The following MS4A4E variants were observed in gnomAD, a reference collection of about 807,000 sequenced individuals.
The protein encoded by MS4A4E is membrane spanning 4-domains A4E.
A neutral mutation model predicts 13.3 loss-of-function variants in MS4A4E; 23 were observed. The ratio of observed to expected loss-of-function variants is 1.73; its 90% CI spans 1.25 to 2.45. The LOEUF (loss-of-function observed/expected upper bound fraction) is 2.45, where lower values mean the gene tolerates loss of function less well. MS4A4E is among the 30% of genes most tolerant of loss of function. MS4A4E has a pLI of 0.00. For missense variants in MS4A4E, 144 were observed against 131.2 expected (o/e 1.10, Z -0.48); for synonymous variants, 36 against 45.6 (o/e 0.79, Z 0.85).
intron 1 of MS4A4E, among the ~76,000 whole-genome samples, chr11:60,232,063 C>T (rs1159007534): frequency 6.6e-6 from 1 of 151,642 alleles, no homozygotes; most frequent in Admixed American, 6.6e-5. Context: ...AAAATTTTGC[C>T]AATGTGTTAA....
Position 60,201,836 on chromosome 11 carries a change from G to A in MS4A4E, c.703C>T (p.Arg235Cys), listed in dbSNP as rs554422770. 3.6e-4 allele frequency: 80 copies of A among 219,488 alleles called. 1 individual carries two copies. Among genetic ancestry groups the A allele is most frequent in the South Asian group, 1.6e-3 (34 of 20,938 alleles). 13.6% of individuals were successfully genotyped at this position (219,488 alleles called of 1,614,324 possible). The change falls in exon 9 of 9, where the codon CGT becomes TGT. Residue 235 changes from arginine to cysteine, a missense_variant. Arg to Cys is a radical substitution (Grantham distance 180). Around this residue, in one of 3 missense-constraint regions of MS4A4E, gnomAD observed 21 missense variants for 25.1 expected, o/e 0.84. Coordinates refer to ENST00000651255, the MANE Select transcript of MS4A4E (RefSeq NM_001393391.1). ...LNGAQAGVQW[R>C]DLGSLQPPPP... is the part of the protein sequence containing the mutation. ...GGAGGTTGTAGGGAGCCGAGATCAC[G>A]CCACTGCACTCCAGCCTGGGCACCA... is the stretch of plus-strand genomic sequence containing the variant.
chr11:60,202,293 C>T (rs1194274357), intron 8 of MS4A4E, among the ~76,000 whole-genome samples: 1 of 152,202 alleles, frequency 6.6e-6, no homozygotes, highest in Admixed American at 6.5e-5. Flanking sequence ...CAAATTGTTG[C>T]TATATTTCCA....
Position 60,221,941 on chromosome 11 carries a change from C to T in MS4A4E, c.178+6653G>A, listed in dbSNP as rs185987331. The stretch of plus-strand genomic sequence containing the variant: ...TTTCTCCAGCCACCCCTGTCATTGC[C>T]CAATGAGTCCATGAACGAAGTGGCC... On this transcript the variant is annotated intron_variant, in intron 3 of 8. Coordinates refer to ENST00000651255, the MANE Select transcript of MS4A4E (RefSeq NM_001393391.1). Among the ~76,000 whole-genome samples, 48 of 152,272 alleles carry T rather than the reference C, an allele frequency of 3.2e-4. 1 individual carries two copies. Among genetic ancestry groups the T allele is most frequent in the East Asian group, 2.1e-3 (11 of 5,170 alleles).
intron 8 of MS4A4E, among the ~76,000 whole-genome samples, chr11:60,202,502 T>C (rs529941533): frequency 4.6e-5 from 7 of 152,224 alleles, no homozygotes; most frequent in Non-Finnish European, 5.9e-5. Context: ...ATAGTCTTTT[T>C]CTTGTTCCCT....
intron 3 of MS4A4E, among the ~76,000 whole-genome samples, chr11:60,218,648 C>G (rs982350398): frequency 1.3e-5 from 2 of 152,098 alleles, no homozygotes; most frequent in Admixed American, 1.3e-4. Flanking sequence ...TGTTGCCAAG[C>G]AAGACAATGT....
chr11:60,217,299 T>A (rs2084208899), intron 3 of MS4A4E, among the ~76,000 whole-genome samples: 2 of 152,198 alleles, frequency 1.3e-5, no homozygotes, highest in Admixed American at 1.3e-4. Context: ...AGGTGTCTAC[T>A]GTTAAAGCGA....
intron 3 of MS4A4E, among the ~76,000 whole-genome samples, chr11:60,221,487 C>A (rs901180132): frequency 6.6e-6 from 1 of 152,214 alleles, no homozygotes; most frequent in Non-Finnish European, 1.5e-5. Flanking sequence ...GCCCTGTTTA[C>A]AGATGGCTCT....
In MS4A4E at chr11:60,200,756, T is replaced by C. The variant is rs1367971581; in HGVS notation, c.*787A>G. On this transcript the variant is annotated 3_prime_UTR_variant, in exon 9 of 9. Transcript: ENST00000651255. ...TTCCCCACCTTTCCCCCCTTTCTATTCCACAAAACCGCCATTGTCCTCATG... is the reference window on the plus strand; with the variant it reads ...TTCCCCACCTTTCCCCCCTTTCTATCCCACAAAACCGCCATTGTCCTCATG... 6.6e-6 allele frequency among the ~76,000 whole-genome samples: 1 copy of C among 152,134 alleles called. No homozygotes were observed. Among genetic ancestry groups the C allele is most frequent in the Non-Finnish European group, 1.5e-5 (1 of 67,994 alleles).
rs2084371339 is a variant in MS4A4E, at chr11:60,228,600, G to A, written c.172C>T (p.His58Tyr). 2.9e-6 allele frequency: 2 copies of A among 698,392 alleles called. No individual in the cohort carries two copies. Among genetic ancestry groups the A allele is most frequent in the East Asian group, 5.4e-5 (2 of 37,134 alleles). 43.3% of individuals were successfully genotyped at this position (698,392 alleles called of 1,614,324 possible). A position where few individuals can be genotyped will look rare whatever the true frequency, so the allele number is the denominator to read the frequency against. Residue 58 changes from histidine (H) to tyrosine (Y), a missense_variant, in exon 3 of 9, where the codon CAT becomes TAT. By Grantham distance (83) the His-to-Tyr change is moderately conservative (BLOSUM62 2). This residue lies in a region of MS4A4E where 119 missense variants were observed against 88.7 expected (regional missense o/e 1.34). Coordinates refer to ENST00000651255, the MANE Select transcript of MS4A4E (RefSeq NM_001393391.1). Reference sequence around the variant, plus strand: ...ATATAGTAATCATACTTACCCGAATGAGTTGAAAACTTATGTCCACACAAA... The same window carrying A: ...ATATAGTAATCATACTTACCCGAATAAGTTGAAAACTTATGTCCACACAAA... ...GVLCGHKFST[H>Y]SVSLSVAAGI...
Position 60,236,894 on chromosome 11 carries a change from G to A in MS4A4E, c.-17+6064C>T, listed in dbSNP as rs932292455. 4.6e-5 allele frequency among the ~76,000 whole-genome samples: 7 copies of A among 151,814 alleles called. No individual in the cohort carries two copies. In the South Asian group the frequency reaches 8.3e-4, roughly 18 times the overall value. ...TGGGACTACAGGCATGCACCACCAC[G>A]CCCGGCTAATTTTTGTATTTTTAGT... On this transcript the variant is annotated intron_variant, in intron 1 of 8. Transcript: ENST00000651255.
In MS4A4E at chr11:60,201,756, G is replaced by T. The variant is rs755769057; in HGVS notation, c.783C>A (p.Pro261=). 2.2e-5 allele frequency: 5 copies of T among 229,828 alleles called. No individual in the cohort carries two copies. Among genetic ancestry groups the T allele is most frequent in the Non-Finnish European group, 4.5e-5 (5 of 112,028 alleles). The allele number at this position is 229,828 out of a possible 1,614,324, so 14.2% of individuals were successfully genotyped here. Residue 261 remains proline, a synonymous_variant, in exon 9 of 9, where the codon CCC becomes CCA. Transcript: ENST00000651255. ...PPKVPRVQPL[P]GRHPVWEVRS... ...TCACTTCCCAGACGGGGTGGCGGCC[G>T]GGCAGAGGCTGCACTCTCGGCACTT...
Position 60,201,612 on chromosome 11 carries a change from T to C in MS4A4E, c.927A>G (p.Gly309=). Residue 309 remains glycine (G), a synonymous_variant, in exon 9 of 9, where the codon GGA becomes GGG. Transcript: ENST00000651255. ...TGGGATGGTGGCCGGGAAGAGGCGC[T>C]CCCCACTTCCTAGATGGGATGGCAG... The part of the protein sequence containing the change: ...CPAAIPSRKW[G]APLPGHHPIW... The C allele has an allele frequency of 6.4e-6, 2 of 310,338 alleles. No individual in the cohort carries two copies. Among genetic ancestry groups the C allele is most frequent in the South Asian group, 2.3e-5 (1 of 43,548 alleles). 19.2% of individuals were successfully genotyped at this position (310,338 alleles called of 1,614,324 possible).
At chr11:60,224,945 T>C in intron 3 of MS4A4E, 1 of 1,488,582 alleles carries the variant, frequency 6.7e-7, no homozygotes, top group Non-Finnish European at 9.0e-7. Flanking sequence ...TCCAATTATA[T>C]CAAAAAATAC....
At chr11:60,231,497 A>C (rs1162032253) in intron 1 of MS4A4E, among the ~76,000 whole-genome samples, 1 of 152,182 alleles carries the variant, frequency 6.6e-6, no homozygotes, top group African/African-American at 2.4e-5. Context: ...GGAAACAACT[A>C]AAATCTCTAT....
chr11:60,241,526 C>T (rs897910040), intron 1 of MS4A4E, among the ~76,000 whole-genome samples: 6 of 152,180 alleles, frequency 3.9e-5, no homozygotes, highest in Non-Finnish European at 7.3e-5. Context: ...TTATGATTTT[C>T]CATAATTCTT....
intron 6 of MS4A4E, among the ~76,000 whole-genome samples, chr11:60,208,237 C>T (rs673141): frequency 0.4 from 60,922 of 152,050 alleles, 12,667 homozygotes; most frequent in East Asian, 0.42. Flanking sequence ...ATGGACCTCA[C>T]CTCTTCATGT....
intron 3 of MS4A4E, among the ~76,000 whole-genome samples, chr11:60,228,141 G>C (rs957155495): frequency 6.6e-6 from 1 of 152,060 alleles, no homozygotes; most frequent in African/African-American, 2.4e-5. Context: ...AGAAGACACT[G>C]TCAGAAGAAA....
chr11:60,220,784 C>A (rs1276130283), intron 3 of MS4A4E, among the ~76,000 whole-genome samples: 1 of 152,202 alleles, frequency 6.6e-6, no homozygotes, highest in African/African-American at 2.4e-5. Context: ...CCACCCCCTA[C>A]AACCAAGAAA....
At chr11:60,224,390 A>C (rs1233576347) in intron 3 of MS4A4E, among the ~76,000 whole-genome samples, 1 of 152,198 alleles carries the variant, frequency 6.6e-6, no homozygotes, top group African/African-American at 2.4e-5. Context: ...TACCAGCCAC[A>C]TCTCTTTTTC....
Sources: gnomAD v4.1 joint callset for allele counts (sites outside exome capture counted in the v4.1 genomes callset) on GRCh38, gnomAD v4.1.1 for gene constraint, gnomAD v4.1.1 regional missense constraint, MANE v1.5 for transcripts, NCBI Gene and HGNC (gene_info 2026-07-23, HGNC 2026-07-21) for gene names.